The following ARK2C variants were observed in gnomAD, a reference collection of about 807,000 sequenced individuals.
The protein encoded by ARK2C is E3 ubiquitin-protein ligase ARK2C.
chr18:46,380,348 C>G, the ARK2C span, among the ~76,000 whole-genome samples: 5 of 152,134 alleles, frequency 3.3e-5, no homozygotes, highest in African/African-American at 1.2e-4. Flanking sequence ...GGGGAGTGTG[C>G]GCAGGGGACA....
At chr18:46,349,192 G>A in the ARK2C span, among the ~76,000 whole-genome samples, 3 of 152,266 alleles carry the variant, frequency 2.0e-5, no homozygotes, top group Non-Finnish European at 2.9e-5. Flanking sequence ...TTGGACTGCA[G>A]TAACAAAATG....
the ARK2C span, among the ~76,000 whole-genome samples, chr18:46,410,016 ACT>A: frequency 6.6e-6 from 1 of 152,110 alleles, no homozygotes; most frequent in African/African-American, 2.4e-5. Flanking sequence ...TTGCCAAATC[ACT>A]CTCCTTAGAG....
the ARK2C span, chr18:46,450,862 A>C: frequency 1.6e-6 from 2 of 1,238,936 alleles, no homozygotes; most frequent in East Asian, 4.7e-5. Context: ...TGTCTAATTG[A>C]CTCTGGCCTG....
chr18:46,353,955 G>T, the ARK2C span, among the ~76,000 whole-genome samples: 13 of 152,078 alleles, frequency 8.5e-5, no homozygotes. Flanking sequence ...GGACCCCAAA[G>T]ATATTTAGCT....
the ARK2C span, among the ~76,000 whole-genome samples, chr18:46,442,799 T>G: frequency 6.6e-6 from 1 of 152,156 alleles, no homozygotes; most frequent in Admixed American, 6.5e-5. Context: ...GTTCTGTCAG[T>G]TTTTGCTTCA....
the ARK2C span, among the ~76,000 whole-genome samples, chr18:46,384,762 A>T: frequency 6.6e-6 from 1 of 152,190 alleles, no homozygotes; most frequent in Non-Finnish European, 1.5e-5. Flanking sequence ...CATGCCTGTA[A>T]TCCCAGTGCT....
At chr18:46,349,389 G>A in the ARK2C span, among the ~76,000 whole-genome samples, 6 of 152,114 alleles carry the variant, frequency 3.9e-5, no homozygotes, top group African/African-American at 1.4e-4. Flanking sequence ...TTTTATAACG[G>A]CACTAATTCC....
the ARK2C span, among the ~76,000 whole-genome samples, chr18:46,393,578 T>TG: frequency 1.3e-5 from 2 of 152,184 alleles, no homozygotes; most frequent in Admixed American, 6.5e-5. Flanking sequence ...GCCCTTATGC[T>TG]GTTTAATCAG....
At chr18:46,404,167 A>G in the ARK2C span, among the ~76,000 whole-genome samples, 1 of 152,148 alleles carries the variant, frequency 6.6e-6, no homozygotes, top group Non-Finnish European at 1.5e-5. Context: ...CCCCTCAGCT[A>G]TGATTCTTGA....
chr18:46,435,345 T>C, the ARK2C span: 1 of 1,614,154 alleles, frequency 6.2e-7, no homozygotes, highest in Non-Finnish European at 8.5e-7. Flanking sequence ...AGCTTCGACT[T>C]CGGCCAACTG....
At chr18:46,454,576 G>T in the ARK2C span, among the ~76,000 whole-genome samples, 6 of 152,322 alleles carry the variant, frequency 3.9e-5, no homozygotes, top group East Asian at 1.2e-3. Context: ...TTCCAGTGAG[G>T]TTACAGTATT....
At chr18:46,422,124 CT>C in the ARK2C span, among the ~76,000 whole-genome samples, 1 of 152,158 alleles carries the variant, frequency 6.6e-6, no homozygotes, top group Non-Finnish European at 1.5e-5. Flanking sequence ...AAAGAATGGC[CT>C]TTGAAGCTGG....
chr18:46,428,655 A>G, the ARK2C span, among the ~76,000 whole-genome samples: 1 of 152,248 alleles, frequency 6.6e-6, no homozygotes, highest in South Asian at 2.1e-4. Context: ...TGTGGCAAGT[A>G]CAAAATAGCC....
At chr18:46,366,806 C>T in the ARK2C span, among the ~76,000 whole-genome samples, 2 of 152,138 alleles carry the variant, frequency 1.3e-5, no homozygotes, top group Non-Finnish European at 2.9e-5. Flanking sequence ...TCAACATGTA[C>T]GTGTGGACTA....
the ARK2C span, among the ~76,000 whole-genome samples, chr18:46,351,523 C>A: frequency 1.3e-5 from 2 of 152,202 alleles, no homozygotes; most frequent in Non-Finnish European, 2.9e-5. Flanking sequence ...CAGAGCCGCC[C>A]TGCCATTGTC....
the ARK2C span, among the ~76,000 whole-genome samples, chr18:46,438,119 G>C: frequency 6.6e-6 from 1 of 152,234 alleles, no homozygotes; most frequent in Non-Finnish European, 1.5e-5. Flanking sequence ...TAGATACAAA[G>C]GCCAAAAATG....
the ARK2C span, among the ~76,000 whole-genome samples, chr18:46,446,449 T>C: frequency 1.3e-5 from 2 of 151,932 alleles, no homozygotes; most frequent in South Asian, 2.1e-4. Context: ...GGTGGGTGGA[T>C]CACTTGAAGT....
At chr18:46,352,652 C>T in the ARK2C span, among the ~76,000 whole-genome samples, 12 of 152,100 alleles carry the variant, frequency 7.9e-5, no homozygotes, top group Admixed American at 3.3e-4. Context: ...TTCCAAGCAT[C>T]AAGATGGAGG....
At chr18:46,398,437 A>C in the ARK2C span, among the ~76,000 whole-genome samples, 1 of 151,940 alleles carries the variant, frequency 6.6e-6, no homozygotes, top group African/African-American at 2.4e-5. Flanking sequence ...TGGCAGAAGA[A>C]ACCTAGCCCC....
Sources: allele counts gnomAD v4.1 joint callset (sites outside exome capture counted in the v4.1 genomes callset), GRCh38; gene constraint gnomAD v4.1.1; transcripts MANE v1.5; gene names NCBI Gene and HGNC (gene_info 2026-07-23, HGNC 2026-07-21).